The following HINT3 variants were observed in gnomAD, a reference collection of about 807,000 sequenced individuals.
HINT3 encodes histidine triad nucleotide binding protein 3.
A neutral mutation model predicts 19.1 loss-of-function variants in HINT3; 16 were observed. That is an observed-to-expected ratio of 0.84 (90% CI 0.57 to 1.27). The LOEUF (loss-of-function observed/expected upper bound fraction) is 1.27, where lower values mean the gene tolerates loss of function less well. Among genes scored for constraint, HINT3 ranks in the 50% most tolerant of loss-of-function variants. The pLI is 0.00. For missense variants in HINT3, 197 were observed against 225.8 expected (o/e 0.87, Z 0.82); for synonymous variants, 75 against 84.8 (o/e 0.88, Z 0.63).
chr6:125,965,250 T>C (rs1001808177), intron 1 of HINT3, among the ~76,000 whole-genome samples: 1 of 152,190 alleles, frequency 6.6e-6, no homozygotes, highest in Non-Finnish European at 1.5e-5. Context: ...GCTAGTTCTG[T>C]TAATCTAAAG....
intron 4 of HINT3, among the ~76,000 whole-genome samples, chr6:125,976,117 G>T (rs901370187): frequency 3.9e-5 from 6 of 152,146 alleles, no homozygotes; most frequent in Non-Finnish European, 8.8e-5. Context: ...TTTATCATTA[G>T]TTAATGAATG....
intron 4 of HINT3, among the ~76,000 whole-genome samples, chr6:125,976,820 T>C (rs1256064674): frequency 6.6e-6 from 1 of 152,186 alleles, no homozygotes; most frequent in East Asian, 1.9e-4. Context: ...AAATCTTATA[T>C]AATGATCCAG....
rs1411643083 is a variant in HINT3, at chr6:125,979,393, CT to C, written c.*1718del. The C allele has an allele frequency of 3.3e-5, 5 of 152,204 alleles. No homozygotes were observed. The East Asian group carries it at 9.6e-4, about 29-fold the overall frequency. 9.4% of individuals were successfully genotyped at this position (152,204 alleles called of 1,614,324 possible). ...GCTTCAGGGAAGGAATTTTCAACAA[CT>C]GCAATCTTTGATTGTTTTACTGTGG... On this transcript the variant is annotated 3_prime_UTR_variant, in exon 5 of 5. Coordinates refer to ENST00000229633, the MANE Select transcript of HINT3 (RefSeq NM_138571.5).
intron 4 of HINT3, among the ~76,000 whole-genome samples, chr6:125,975,294 A>T (rs1047936607): frequency 7.9e-5 from 12 of 152,152 alleles, no homozygotes; most frequent in African/African-American, 2.7e-4. Flanking sequence ...TTGAGGGTCC[A>T]TGTGAAAGTT....
chr6:125,960,671 A>AGGGGGGGT (rs1562211533), intron 1 of HINT3, among the ~76,000 whole-genome samples: 1 of 92,472 alleles, frequency 1.1e-5, no homozygotes, highest in Non-Finnish European at 2.2e-5. Context: ...GGGGGAAAAA[A>AGGGGGGGT]AAAGAAGTTA....
chr6:125,963,023 A>G (rs2128710902), intron 1 of HINT3, among the ~76,000 whole-genome samples: 1 of 152,338 alleles, frequency 6.6e-6, no homozygotes, highest in African/African-American at 2.4e-5. Context: ...ATACTGAGGA[A>G]ATAACTCAGT....
rs751521535 is a variant in HINT3, at chr6:125,966,872, T to C, written c.202-15T>C. The C allele has an allele frequency of 1.3e-6, 2 of 1,526,548 alleles. No homozygotes were observed. The highest frequency in any genetic ancestry group is 2.7e-5 in the African/African-American group (2 of 72,746). 94.6% of individuals were successfully genotyped at this position (1,526,548 alleles called of 1,614,324 possible). A position where few individuals can be genotyped will look rare whatever the true frequency, so the allele number is the denominator to read the frequency against. On this transcript the variant is annotated splice_polypyrimidine_tract_variant and intron_variant, in intron 1 of 4. Transcript: ENST00000229633. ...TTCTTTTTAAAAATTCACTAACAAA[T>C]GTTTTTTCCTTTAGAATGAGGACCT...
chr6:125,969,086 A>G (rs1378857409), intron 2 of HINT3, among the ~76,000 whole-genome samples: 1 of 152,156 alleles, frequency 6.6e-6, no homozygotes, highest in Non-Finnish European at 1.5e-5. Flanking sequence ...CCCAAGGCTG[A>G]TGTCCAGAAT....
intron 2 of HINT3, 59 bp downstream of exon 2, chr6:125,967,063 C>A: frequency 9.5e-7 from 1 of 1,051,968 alleles, no homozygotes; most frequent in Non-Finnish European, 1.4e-6. Context: ...TCAGTGATGG[C>A]AGTGAAGATT....
At chr6:125,973,694 A>G (rs1247380187) in intron 3 of HINT3, among the ~76,000 whole-genome samples, 2 of 152,222 alleles carry the variant, frequency 1.3e-5, no homozygotes, top group Non-Finnish European at 2.9e-5. Context: ...AATGACAAGG[A>G]ACAAATGGTG....
intron 4 of HINT3, among the ~76,000 whole-genome samples, chr6:125,975,740 G>A (rs1208498622): frequency 2.0e-5 from 3 of 152,050 alleles, no homozygotes. Context: ...ACCATGCCCA[G>A]CTAATTTTTG....
intron 4 of HINT3, 55 bp from the exon 5 acceptor site, chr6:125,977,589 T>C (rs1052606698): frequency 8.9e-6 from 8 of 897,768 alleles, no homozygotes; most frequent in Non-Finnish European, 1.4e-5. Context: ...ACCAGTAGAA[T>C]TATTTGATAG....
At chr6:125,973,714 C>G (rs1789141984) in intron 3 of HINT3, among the ~76,000 whole-genome samples, 1 of 152,202 alleles carries the variant, frequency 6.6e-6, no homozygotes, top group Non-Finnish European at 1.5e-5. Flanking sequence ...GTTTGAGACC[C>G]TTTGGCCAGA....
chr6:125,970,193 G>C (rs1342513636), intron 2 of HINT3, among the ~76,000 whole-genome samples: 5 of 151,992 alleles, frequency 3.3e-5, no homozygotes, highest in Admixed American at 3.3e-4. Flanking sequence ...TTAAACTGTC[G>C]ATTCTGAATA....
At position 125,960,672 on chromosome 6, in the gene HINT3, A is replaced by AGGGGGG. The variant is rs1395716444; in HGVS notation, c.201+3494_201+3495insGGGGGG. The stretch of plus-strand genomic sequence containing the variant: ...ACTCTCTCTGGGGGGGGGGAAAAAA[A>AGGGGGG]AAGAAGTTAGGGCAAGCAAGTGGCT... On this transcript the variant is annotated intron_variant, in intron 1 of 4. Coordinates refer to ENST00000229633, the MANE Select transcript of HINT3 (RefSeq NM_138571.5). Among the ~76,000 whole-genome samples, 377 of 83,314 alleles carry AGGGGGG rather than the reference A, an allele frequency of 4.5e-3. 7 individuals carry two copies. Among genetic ancestry groups the AGGGGGG allele is most frequent in the Middle Eastern group, 7.2e-3 (1 of 138 alleles). The allele number at this position is 83,314 out of a possible 152,430, so 54.7% of individuals were successfully genotyped here.
At position 125,979,943 on chromosome 6, in the gene HINT3, T is replaced by G. The variant is rs919177604; in HGVS notation, c.*2267T>G. 1 of 152,272 alleles carries G rather than the reference T, an allele frequency of 6.6e-6. No individual in the cohort carries two copies. Among genetic ancestry groups the G allele is most frequent in the African/African-American group, 2.4e-5 (1 of 41,446 alleles). The allele number at this position is 152,272 out of a possible 1,614,324, so 9.4% of individuals were successfully genotyped here. A position where few individuals can be genotyped will look rare whatever the true frequency, so the allele number is the denominator to read the frequency against. On this transcript the variant is annotated 3_prime_UTR_variant, in exon 5 of 5. Transcript: ENST00000229633. ...GTGGTATGGCCGTAGACAACCTATT[T>G]GTTAAAAACCCTTGGAAACACATCT...
chr6:125,960,248 T>A (rs995275616), intron 1 of HINT3, among the ~76,000 whole-genome samples: 7 of 152,218 alleles, frequency 4.6e-5, no homozygotes, highest in African/African-American at 1.4e-4. Flanking sequence ...TTGTGTGATT[T>A]TCTTCCCACT....
In HINT3 at chr6:125,978,265, C is replaced by T. The variant is rs1043415030; in HGVS notation, c.*589C>T. On this transcript the variant is annotated 3_prime_UTR_variant, in exon 5 of 5. Transcript: ENST00000229633. ...GAAGCATTGCATCTTTTTAATAAATCTATCCTGAAAGCTATATAATATATA... is the reference window on the plus strand; with the variant it reads ...GAAGCATTGCATCTTTTTAATAAATTTATCCTGAAAGCTATATAATATATA... 1 of 151,994 alleles carries T rather than the reference C, an allele frequency of 6.6e-6. No homozygotes were observed. 9.4% of individuals were successfully genotyped at this position (151,994 alleles called of 1,614,324 possible).
intron 2 of HINT3, among the ~76,000 whole-genome samples, chr6:125,968,814 T>A (rs2128711464): frequency 6.6e-6 from 1 of 152,334 alleles, no homozygotes; most frequent in Non-Finnish European, 1.5e-5. Context: ...TATGTCTTCT[T>A]TTGAGAAGTG....
Sources: gnomAD v4.1 joint callset for allele counts (sites outside exome capture counted in the v4.1 genomes callset) on GRCh38, gnomAD v4.1.1 for gene constraint, MANE v1.5 for transcripts, NCBI Gene and HGNC (gene_info 2026-07-23, HGNC 2026-07-21) for gene names.